ITGA4: variants seen among roughly 807,000 people sequenced by gnomAD.
The protein encoded by ITGA4 is integrin alpha-4.
ITGA4 carries 63 observed loss-of-function variants against 133.6 expected under a neutral mutation model. The ratio of observed to expected loss-of-function variants is 0.47; its 90% confidence interval spans 0.38 to 0.58. The LOEUF (loss-of-function observed/expected upper bound fraction) is 0.58, where lower values mean the gene tolerates loss of function less well. Ranked by LOEUF, ITGA4 falls within the 20% of genes least tolerant of loss-of-function variation. The pLI is 0.00. For missense variants in ITGA4, 1,076 were observed against 1,252.7 expected (o/e 0.86, Z 2.13); for synonymous variants, 483 against 438.0 (o/e 1.10, Z -1.28).
At position 181,495,507 on chromosome 2, in the gene ITGA4, C is replaced by T. The variant is rs1219818711; in HGVS notation, c.1385+91C>T. The T allele has an allele frequency of 5.5e-6, 5 of 916,966 alleles. No homozygotes were observed. The highest frequency in any genetic ancestry group is 9.0e-6 in the Non-Finnish European group (5 of 555,880). The allele number at this position is 916,966 out of a possible 1,614,324, so 56.8% of individuals were successfully genotyped here. On this transcript the variant is annotated intron_variant, in intron 13 of 27. Transcript: ENST00000397033. The surrounding 1 kb of genome is among the most constrained non-coding windows in gnomAD (Gnocchi z 4.3). ...GTTTAAAATCAGCAGTGGTAGTGAC[C>T]TCATGATGCTCTTTTGGTATTCTGA...
chr2:181,487,862 C>T (rs1685957034), intron 10 of ITGA4, among the ~76,000 whole-genome samples: 2 of 152,086 alleles, frequency 1.3e-5, no homozygotes, highest in South Asian at 4.1e-4. Flanking sequence ...AGGGTTCTAC[C>T]TAATAAAGAC....
intron 2 of ITGA4, among the ~76,000 whole-genome samples, chr2:181,459,941 TA>T (rs149211284): frequency 0.015 from 2,280 of 152,286 alleles, 67 homozygotes; most frequent in African/African-American, 0.052. Flanking sequence ...AATACTGTAT[TA>T]AATTTAAGAT....
At chr2:181,494,015 G>T (rs982582484) in intron 11 of ITGA4, among the ~76,000 whole-genome samples, 12 of 152,106 alleles carry the variant, frequency 7.9e-5, no homozygotes, top group African/African-American at 2.7e-4. Context: ...AGTTATTTTT[G>T]ATTAGAAAAA....
At chr2:181,469,092 T>C (rs574598755) in intron 2 of ITGA4, among the ~76,000 whole-genome samples, 2 of 152,298 alleles carry the variant, frequency 1.3e-5, no homozygotes, top group East Asian at 3.9e-4. Flanking sequence ...CTGAGGTTGT[T>C]TATGGTGTTC....
intron 15 of ITGA4, among the ~76,000 whole-genome samples, chr2:181,502,383 G>A (rs1467864943): frequency 1.3e-5 from 2 of 152,138 alleles, no homozygotes; most frequent in Non-Finnish European, 2.9e-5. Flanking sequence ...GACAGGAGAA[G>A]TATTAGCATG....
In ITGA4 at chr2:181,495,641, C is replaced by A; in HGVS notation, c.1386-142C>A. 1.4e-6 allele frequency: 1 copy of A among 735,700 alleles called. No individual in the cohort carries two copies. The highest frequency in any genetic ancestry group is 2.2e-6 in the Non-Finnish European group (1 of 452,124). The allele number at this position is 735,700 out of a possible 1,614,324, so 45.6% of individuals were successfully genotyped here. A position where few individuals can be genotyped will look rare whatever the true frequency, so the allele number is the denominator to read the frequency against. On this transcript the variant is annotated intron_variant, in intron 13 of 27. Transcript: ENST00000397033. This position sits in a 1 kb window ranked among gnomAD's most constrained non-coding sequence, Gnocchi z 4.3. Reference sequence around the variant, plus strand: ...AAATAAAAAGTTATTTTGCCCTGTGCACAGAAATGTAATTAGTATGTACAC... The same window carrying A: ...AAATAAAAAGTTATTTTGCCCTGTGAACAGAAATGTAATTAGTATGTACAC...
intron 15 of ITGA4, among the ~76,000 whole-genome samples, chr2:181,500,170 C>T (rs771173623): frequency 1.1e-4 from 17 of 152,140 alleles, no homozygotes; most frequent in Non-Finnish European, 1.2e-4. Flanking sequence ...AAGAAATGCT[C>T]GTTTCCTTCA....
Position 181,495,960 on chromosome 2 carries a change from A to G in ITGA4, c.1540+23A>G. 1.2e-6 allele frequency: 2 copies of G among 1,609,922 alleles called. No individual in the cohort carries two copies. The highest frequency in any genetic ancestry group is 1.7e-6 in the Non-Finnish European group (2 of 1,177,362). Reference sequence around the variant, plus strand: ...TTGGTGGGTATGCCCTACAATATTAATGCTTGATGGGGTGCGGTTCATTCA... The same window carrying G: ...TTGGTGGGTATGCCCTACAATATTAGTGCTTGATGGGGTGCGGTTCATTCA... On this transcript the variant is annotated intron_variant, in intron 14 of 27. Coordinates refer to ENST00000397033, the MANE Select transcript of ITGA4 (RefSeq NM_000885.6). This position sits in a 1 kb window ranked among gnomAD's most constrained non-coding sequence, Gnocchi z 4.3.
chr2:181,522,179 C>T lies in ITGA4; in HGVS notation c.1923-12C>T, dbSNP rs774317020. The T allele has an allele frequency of 6.6e-7, 1 of 1,515,844 alleles. No homozygotes were observed. The highest frequency in any genetic ancestry group is 9.0e-7 in the Non-Finnish European group (1 of 1,107,490). The allele number at this position is 1,515,844 out of a possible 1,614,324, so 93.9% of individuals were successfully genotyped here. The stretch of plus-strand genomic sequence containing the variant: ...CCTAAACAAGAACTAAATAATATTA[C>T]TTAATTTTTAGGCCCCATGAAAATA... On this transcript the variant is annotated splice_polypyrimidine_tract_variant and intron_variant, in intron 17 of 27. Transcript: ENST00000397033.
intron 2 of ITGA4, among the ~76,000 whole-genome samples, chr2:181,468,880 A>G (rs1685483865): frequency 6.6e-6 from 1 of 152,200 alleles, no homozygotes; most frequent in Non-Finnish European, 1.5e-5. Context: ...TGTGGAAAGA[A>G]TTAGTCATTC....
intron 3 of ITGA4, 27 bp from the exon 4 acceptor site, chr2:181,475,132 C>T: frequency 6.2e-7 from 1 of 1,613,272 alleles, no homozygotes; most frequent in Non-Finnish European, 8.5e-7. Flanking sequence ...GCTTTCACAT[C>T]ATTTGGTCTA....
In ITGA4 at chr2:181,537,720, G is replaced by T; in HGVS notation, c.*2193G>T. 2.3e-6 allele frequency: 1 copy of T among 426,918 alleles called. No individual in the cohort carries two copies. Among genetic ancestry groups the T allele is most frequent in the Admixed American group, 2.6e-5 (1 of 37,990 alleles). 26.4% of individuals were successfully genotyped at this position (426,918 alleles called of 1,614,324 possible). A position where few individuals can be genotyped will look rare whatever the true frequency, so the allele number is the denominator to read the frequency against. On this transcript the variant is annotated 3_prime_UTR_variant, in exon 28 of 28. Transcript: ENST00000397033. ...TATGATGGTTGCAAAGTTTTTTTGT[G>T]TGTCCAATAAACACATTGTAAAAAA...
In ITGA4 at chr2:181,537,908, C is replaced by A. The variant is rs72883650; in HGVS notation, c.*2381C>A. 4.9e-3 allele frequency: 2,803 copies of A among 570,016 alleles called. 18 individuals carry two copies. Among genetic ancestry groups the A allele is most frequent in the Non-Finnish European group, 7.1e-3 (2,150 of 300,838 alleles). The allele number at this position is 570,016 out of a possible 1,614,324, so 35.3% of individuals were successfully genotyped here. On this transcript the variant is annotated 3_prime_UTR_variant, in exon 28 of 28. Transcript: ENST00000397033. Reference sequence around the variant, plus strand: ...ATGGAGCATTACTGAGTTCCTCCCCCTGTCAGATCAGCAGCAGCATTAGAT... The same window carrying A: ...ATGGAGCATTACTGAGTTCCTCCCCATGTCAGATCAGCAGCAGCATTAGAT...
At chr2:181,525,350 C>T in intron 21 of ITGA4, 59 bp downstream of exon 21, 2 of 886,926 alleles carry the variant, frequency 2.3e-6, no homozygotes, top group Non-Finnish European at 3.6e-6. Flanking sequence ...TTCCTTGCTT[C>T]TTACATTAAT....
rs948407405 is a variant in ITGA4 at position 181,516,844 on chromosome 2, C to T, written c.1922+5069C>T. Among the ~76,000 whole-genome samples the T allele has an allele frequency of 3.9e-5, 6 of 151,958 alleles. No individual in the cohort carries two copies. Among genetic ancestry groups the T allele is most frequent in the East Asian group, 1.9e-4 (1 of 5,176 alleles). On this transcript the variant is annotated intron_variant, in intron 17 of 27. Coordinates refer to ENST00000397033, the MANE Select transcript of ITGA4 (RefSeq NM_000885.6). The surrounding 1 kb of genome is among the most constrained non-coding windows in gnomAD (Gnocchi z 4.0). Reference sequence around the variant, plus strand: ...CATCTGCCACCATGCTGTTAATTCCCGAAAGAGCTAGTGTGATGAAATTGT... The same window carrying T: ...CATCTGCCACCATGCTGTTAATTCCTGAAAGAGCTAGTGTGATGAAATTGT...
At chr2:181,509,420 A>G (rs1686459819) in intron 15 of ITGA4, among the ~76,000 whole-genome samples, 1 of 152,032 alleles carries the variant, frequency 6.6e-6, no homozygotes, top group South Asian at 2.1e-4. Flanking sequence ...CTTTATAACT[A>G]TTATTGGATA....
At chr2:181,479,714 CAG>C (rs1685762203) in intron 5 of ITGA4, 1 of 152,086 alleles carries the variant, frequency 6.6e-6, no homozygotes, top group African/African-American at 2.4e-5. Flanking sequence ...CATTATTAGT[CAG>C]GGGTTCTTTG....
rs1685905612 is a variant in ITGA4 at position 181,485,970 on chromosome 2, C to T, written c.1131C>T (p.Asp377=). Residue 377 remains aspartate, a synonymous_variant, in exon 10 of 28, where the codon GAC becomes GAT. Transcript: ENST00000397033. ...GGGAATCTATAGTTAATCTTGGCGACATTGACAATGATGGCTTTGAAGGTA... is the reference window on the plus strand; with the variant it reads ...GGGAATCTATAGTTAATCTTGGCGATATTGACAATGATGGCTTTGAAGGTA... The part of the protein sequence containing the change: ...RFGESIVNLG[D]IDNDGFEDVA... 2 of 1,595,796 alleles carry T rather than the reference C, an allele frequency of 1.3e-6. No homozygotes were observed. The highest frequency in any genetic ancestry group is 1.7e-6 in the Non-Finnish European group (2 of 1,175,304).
chr2:181,501,008 A>G (rs6711841), intron 15 of ITGA4, among the ~76,000 whole-genome samples: 148,927 of 152,280 alleles, frequency 0.98, 72,926 homozygotes, highest in Middle Eastern at 1. Context: ...GATACTCAGA[A>G]TAGGCTTCAT....
Sources: gnomAD v4.1 joint callset for allele counts (sites outside exome capture counted in the v4.1 genomes callset) on GRCh38, gnomAD v4.1.1 for gene constraint, Gnocchi (gnomAD v3.1) non-coding constraint, MANE v1.5 for transcripts, NCBI Gene and HGNC (gene_info 2026-07-23, HGNC 2026-07-21) for gene names.